Variants in SYPL2 observed in about 807,000 individuals in gnomAD.
SYPL2 encodes the protein synaptophysin-like protein 2.
SYPL2 carries 24 observed loss-of-function variants against 31.3 expected under a neutral mutation model. The ratio of observed to expected loss-of-function variants is 0.77; its 90% CI spans 0.56 to 1.08. SYPL2 has a LOEUF of 1.08. Among genes scored for constraint, SYPL2 ranks in the 50% least tolerant of loss-of-function variants. The pLI is 0.00. For synonymous variants in SYPL2, 144 were observed against 143.1 expected, an observed-to-expected ratio of 1.01 and a Z score of -0.05; for missense variants, 342 against 360.1, an observed-to-expected ratio of 0.95 and a Z score of 0.41.
intron 3 of SYPL2, 23 bp from the exon 4 acceptor site, chr1:109,476,753 A>G: frequency 1.2e-6 from 2 of 1,611,854 alleles, no homozygotes; most frequent in African/African-American, 1.3e-5. Context: ...TGAGCTCAGG[A>G]TGGCCTCCCC....
chr1:109,476,812 T>C lies in SYPL2; in HGVS notation c.291T>C (p.Asp97=), dbSNP rs779017969. ...HRIQYEMPLC[D]EESSSKTMHL... ...TCCAATATGAGATGCCCCTCTGCGA[T>C]GAAGAGTCCAGCTCCAAGACCATGC... Residue 97 remains aspartate, a synonymous_variant, in exon 4 of 6, where the codon GAT becomes GAC. Transcript: ENST00000369872. The C allele has an allele frequency of 1.1e-5, 17 of 1,614,076 alleles. 1 individual carries two copies. In the South Asian group the frequency reaches 1.5e-4, roughly 15 times the overall value.
At position 109,475,601 on chromosome 1, in the gene SYPL2, C is replaced by T. The variant is rs751229816; in HGVS notation, c.150C>T (p.Phe50=). 1.2e-5 allele frequency: 19 copies of T among 1,613,968 alleles called. No individual in the cohort carries two copies. Among genetic ancestry groups the T allele is most frequent in the East Asian group, 8.9e-5 (4 of 44,894 alleles). The change falls in exon 3 of 6, where the codon TTC becomes TTT. Residue 50 remains phenylalanine, a synonymous_variant. Transcript: ENST00000369872. ...CTCAGCTCTTTGCTATTTTCGCCTT[C>T]GGGTCCTGTGGCTCCTACAGCGGGG... ...VLQWLFAIFA[F]GSCGSYSGET...
At position 109,467,123 on chromosome 1, in the gene SYPL2, T is replaced by C. The variant is rs1655671959; in HGVS notation, c.119T>C (p.Val40Ala). 2 of 1,543,232 alleles carry C rather than the reference T, an allele frequency of 1.3e-6. No individual in the cohort carries two copies. The highest frequency in any genetic ancestry group is 1.4e-5 in the African/African-American group (1 of 72,822). The change falls in exon 2 of 6, where the codon GTT becomes GCT. Residue 40 changes from valine to alanine, a missense_variant. Val to Ala is a moderately conservative substitution (Grantham distance 64). Transcript: ENST00000369872. ...RLEEPLGFIK[V>A]LQWLFAIFAF... Reference sequence around the variant, plus strand: ...GAGGAGCCGCTGGGCTTCATCAAAGTTCTCCAGTGGGTGAGTCGCTGCCCC... The same window carrying C: ...GAGGAGCCGCTGGGCTTCATCAAAGCTCTCCAGTGGGTGAGTCGCTGCCCC...
intron 2 of SYPL2, among the ~76,000 whole-genome samples, chr1:109,473,445 G>A (rs1228910686): frequency 2.6e-5 from 4 of 152,218 alleles, no homozygotes; most frequent in South Asian, 2.1e-4. Context: ...AAGGCCAGGC[G>A]CTGCAAGCCG....
At chr1:109,469,823 G>C (rs1655768584) in intron 2 of SYPL2, among the ~76,000 whole-genome samples, 1 of 63,246 alleles carries the variant, frequency 1.6e-5, no homozygotes, top group Non-Finnish European at 2.6e-5. Flanking sequence ...ACTAGACCTT[G>C]TCTCAAAAAA....
intron 2 of SYPL2, among the ~76,000 whole-genome samples, chr1:109,467,527 G>T (rs1179081463): frequency 6.6e-6 from 1 of 152,154 alleles, no homozygotes; most frequent in Admixed American, 6.5e-5. Flanking sequence ...GGAAGCCGCA[G>T]AGGGCAAAGG....
chr1:109,471,369 A>T (rs1293635912), intron 2 of SYPL2, among the ~76,000 whole-genome samples: 1 of 152,242 alleles, frequency 6.6e-6, no homozygotes, highest in African/African-American at 2.4e-5. Context: ...ATCAGAATAC[A>T]ATAAATACTA....
chr1:109,476,975 G>A lies in SYPL2; in HGVS notation c.454G>A (p.Val152Met), dbSNP rs1329473758. 7 of 1,614,106 alleles carry A rather than the reference G, an allele frequency of 4.3e-6. No individual in the cohort carries two copies. The highest frequency in any genetic ancestry group is 1.6e-4 in the Middle Eastern group (1 of 6,084). ...CACAGAGAACAAACGCTTCCCGCTG[G>A]TGGTGAGTCAGCACAGGCCAGAAGG... The part of the protein sequence containing the change: ...LYTENKRFPL[V>M]DFCVTVSFTF... Residue 152 changes from valine (V) to methionine (M), a missense_variant and splice_region_variant, in exon 4 of 6, where the codon GTG (valine) becomes ATG (methionine). Val to Met is a conservative substitution (Grantham distance 21). Coordinates refer to ENST00000369872, the MANE Select transcript of SYPL2 (RefSeq NM_001040709.2).
chr1:109,475,623 G>C lies in SYPL2; in HGVS notation c.172G>C (p.Gly58Arg). 6 of 1,614,072 alleles carry C rather than the reference G, an allele frequency of 3.7e-6. No individual in the cohort carries two copies. Among genetic ancestry groups the C allele is most frequent in the Non-Finnish European group, 5.1e-6 (6 of 1,179,990 alleles). Residue 58 changes from glycine (G) to arginine (R), a missense_variant, in exon 3 of 6, where the codon GGG (glycine) becomes CGG (arginine). Gly to Arg is a moderately radical substitution (Grantham distance 125, BLOSUM62 -2). Coordinates refer to ENST00000369872, the MANE Select transcript of SYPL2 (RefSeq NM_001040709.2). ...FAFGSCGSYS[G>R]ETGAMVRCNN... is the part of the protein sequence containing the mutation. ...CTTCGGGTCCTGTGGCTCCTACAGC[G>C]GGGAGACAGGAGCAATGGTTCGCTG...
Position 109,479,546 on chromosome 1 carries a change from T to A in SYPL2, c.817T>A (p.Ter273LysextTer39). ...TGAGCAGGGAGCAGTGGAGAAGCAG[T>A]AAGCAGCCCCCCACCTGGCTATTCC... The part of the protein sequence containing the change: ...AAEQGAVEKQ[*>K] The change falls in exon 6 of 6, where the codon TAA becomes AAA. Residue 273 changes from the stop codon to lysine (K), a stop_lost. Transcript: ENST00000369872. 6.2e-7 allele frequency: 1 copy of A among 1,612,126 alleles called. No individual in the cohort carries two copies. The highest frequency in any genetic ancestry group is 8.5e-7 in the Non-Finnish European group (1 of 1,178,638).
In SYPL2 at chr1:109,478,738, A is replaced by G. The variant is rs935352779; in HGVS notation, c.649-640A>G. On this transcript the variant is annotated intron_variant, in intron 5 of 5. Coordinates refer to ENST00000369872, the MANE Select transcript of SYPL2 (RefSeq NM_001040709.2). The surrounding 1 kb of genome is among the most constrained non-coding windows in gnomAD (Gnocchi z 4.0). Reference sequence around the variant, plus strand: ...ATGTTCACAGGTACAACAAAGTTGAAAGAATTTTACAGTGAATACCCATGC... The same window carrying G: ...ATGTTCACAGGTACAACAAAGTTGAGAGAATTTTACAGTGAATACCCATGC... 2.0e-5 allele frequency among the ~76,000 whole-genome samples: 3 copies of G among 152,224 alleles called. No homozygotes were observed. Among genetic ancestry groups the G allele is most frequent in the African/African-American group, 7.2e-5 (3 of 41,462 alleles).
intron 1 of SYPL2, 51 bp downstream of exon 1, chr1:109,466,948 C>T (rs1278411980): frequency 6.5e-7 from 1 of 1,532,946 alleles, no homozygotes; most frequent in Non-Finnish European, 8.7e-7. Flanking sequence ...ACCTAGATGT[C>T]GGGCTGCACA....
chr1:109,480,544 G>C lies in SYPL2; in HGVS notation c.*996G>C, dbSNP rs538408657. On this transcript the variant is annotated 3_prime_UTR_variant, in exon 6 of 6. Transcript: ENST00000369872. ...TTTTATTCCTGTGGGGCCAGACAGG[G>C]GCTTAGGAAGGGCCAAAGGACCATC... The C allele has an allele frequency of 6.6e-6, 1 of 152,362 alleles. No individual in the cohort carries two copies. The highest frequency in any genetic ancestry group is 1.9e-4 in the East Asian group (1 of 5,170). 9.4% of individuals were successfully genotyped at this position (152,362 alleles called of 1,614,324 possible).
intron 2 of SYPL2, 143 bp downstream of exon 2, chr1:109,467,276 G>A: frequency 3.2e-6 from 2 of 624,904 alleles, no homozygotes; most frequent in South Asian, 4.0e-5. Flanking sequence ...GGTGGGCGGG[G>A]GAGGGGCGGG....
In SYPL2 at chr1:109,469,364, C is replaced by T. The variant is rs545483260; in HGVS notation, c.129+2231C>T. 5.0e-3 allele frequency among the ~76,000 whole-genome samples: 529 copies of T among 106,170 alleles called. 3 individuals are homozygous for T. The highest frequency in any genetic ancestry group is 0.013 in the Admixed American group (103 of 8,050). The allele number at this position is 106,170 out of a possible 152,430, so 69.7% of individuals were successfully genotyped here. On this transcript the variant is annotated intron_variant, in intron 2 of 5. Coordinates refer to ENST00000369872, the MANE Select transcript of SYPL2 (RefSeq NM_001040709.2). ...ATTCTTTTATTTGTCAGGAGCTTAT[C>T]TTAGAGTTTTTTTTTTTTTAATTGA...
At chr1:109,479,326 T>C in intron 5 of SYPL2, 52 bp from the exon 6 acceptor site, 15 of 1,595,246 alleles carry the variant, frequency 9.4e-6, no homozygotes, top group Non-Finnish European at 1.3e-5. Context: ...CCCTCCCTGT[T>C]CCCACAATGA....
intron 2 of SYPL2, among the ~76,000 whole-genome samples, chr1:109,469,671 C>T (rs10857789): frequency 0.64 from 96,911 of 150,590 alleles, 32,628 homozygotes; most frequent in East Asian, 0.96. Context: ...GGGGAGGTCG[C>T]GTCTCTATTA....
In SYPL2 at chr1:109,479,605, C is replaced by A; in HGVS notation, c.*57C>A. 1 of 1,567,604 alleles carries A rather than the reference C, an allele frequency of 6.4e-7. No individual in the cohort carries two copies. The highest frequency in any genetic ancestry group is 1.4e-5 in the African/African-American group (1 of 73,850). ...ACAGCACCTCTTCAACCACCTCCGG[C>A]TTCCAGGACCTTTCTCTTCCTCCTC... On this transcript the variant is annotated 3_prime_UTR_variant, in exon 6 of 6. Transcript: ENST00000369872.
intron 2 of SYPL2, among the ~76,000 whole-genome samples, chr1:109,470,060 C>T (rs1655781071): frequency 6.6e-6 from 1 of 151,830 alleles, no homozygotes; most frequent in Non-Finnish European, 1.5e-5. Flanking sequence ...ACGAACACAT[C>T]TCACTGCAGC....
Sources: gnomAD v4.1 joint callset for allele counts (sites outside exome capture counted in the v4.1 genomes callset) on GRCh38, gnomAD v4.1.1 for gene constraint, Gnocchi (gnomAD v3.1) non-coding constraint, MANE v1.5 for transcripts, NCBI Gene and HGNC (gene_info 2026-07-23, HGNC 2026-07-21) for gene names.